EVA1A: variants seen among roughly 807,000 people sequenced by gnomAD.
The protein encoded by EVA1A is eva-1 homolog A, regulator of programmed cell death, also known as protein eva-1 homolog A.
A neutral mutation model predicts 9.8 loss-of-function variants in EVA1A; 7 were observed. That is an observed-to-expected ratio of 0.71 (90% CI 0.41 to 1.34). EVA1A has a LOEUF of 1.34. Ranked by LOEUF, EVA1A falls within the 40% of genes most tolerant of loss-of-function variation. The pLI is 0.01. For synonymous variants in EVA1A, 90 were observed against 85.6 expected (o/e 1.05, Z -0.28); for missense variants, 206 against 205.9 (o/e 1.00, Z 0.00).
chr2:75,552,042 A>G (rs1676542603), intron 1 of EVA1A, among the ~76,000 whole-genome samples: 1 of 152,160 alleles, frequency 6.6e-6, no homozygotes, highest in South Asian at 2.1e-4. Flanking sequence ...TTAGCTGGAC[A>G]TAGTGGCATA....
At chr2:75,563,964 A>G (rs1378809614), upstream of EVA1A, among the ~76,000 whole-genome samples, 1 of 152,222 alleles carries the variant, frequency 6.6e-6, no homozygotes, top group Admixed American at 6.5e-5. Context: ...GAGAGGGCCC[A>G]TTGCTTCATT....
upstream of EVA1A, chr2:75,560,999 G>C (rs1162527588): frequency 5.3e-5 from 8 of 151,738 alleles, no homozygotes; most frequent in African/African-American, 1.9e-4. Context: ...GCTTGGCTCC[G>C]GACCTGCCCT....
chr2:75,562,441 A>G (rs902712711), upstream of EVA1A, among the ~76,000 whole-genome samples: 2 of 152,220 alleles, frequency 1.3e-5, no homozygotes, highest in Non-Finnish European at 2.9e-5. Flanking sequence ...CTGCTCTTCA[A>G]AAGGAAAACA....
At chr2:75,517,702 T>G (rs1675063825) in intron 3 of EVA1A, 1 of 678,436 alleles carries the variant, frequency 1.5e-6, no homozygotes, top group African/African-American at 1.8e-5. Context: ...CTGTGTGAGG[T>G]TAACTGCATA....
intron 3 of EVA1A, among the ~76,000 whole-genome samples, chr2:75,515,598 G>A (rs1395118660): frequency 6.6e-6 from 1 of 152,106 alleles, no homozygotes; most frequent in Non-Finnish European, 1.5e-5. Context: ...GAGACCATCA[G>A]GCAAAACAAA....
chr2:75,502,929 T>G (rs1034334566), intron 3 of EVA1A, among the ~76,000 whole-genome samples: 10 of 152,204 alleles, frequency 6.6e-5, no homozygotes, highest in African/African-American at 2.2e-4. Context: ...AGCTTTCATA[T>G]ACTGCCCTCA....
At chr2:75,549,010 T>TATATATATA (rs1558691261) in intron 1 of EVA1A, among the ~76,000 whole-genome samples, 3 of 56,906 alleles carry the variant, frequency 5.3e-5, no homozygotes, top group East Asian at 5.7e-4. Flanking sequence ...ATATATATAT[T>TATATATATA]TTTTTTTTTT....
At chr2:75,537,330 G>A (rs6547010) in intron 1 of EVA1A, among the ~76,000 whole-genome samples, 94,681 of 152,036 alleles carry the variant, frequency 0.62, 31,054 homozygotes, top group African/African-American at 0.83. Context: ...GATAAAGAGC[G>A]TCTGCAAAAG....
At chr2:75,530,970 T>A (rs1675625226) in intron 1 of EVA1A, among the ~76,000 whole-genome samples, 1 of 152,170 alleles carries the variant, frequency 6.6e-6, no homozygotes, top group Non-Finnish European at 1.5e-5. Flanking sequence ...TGGTCACTGT[T>A]TGATGATGAT....
chr2:75,568,316 AATT>A (rs1177954361), intron 1 of EVA1A, among the ~76,000 whole-genome samples: 12 of 150,952 alleles, frequency 7.9e-5, no homozygotes, highest in East Asian at 3.9e-4. Flanking sequence ...ACCAATCAAT[AATT>A]ATTATTAAAT....
At chr2:75,565,973 T>G (rs949850216) in intron 1 of EVA1A, among the ~76,000 whole-genome samples, 8 of 152,312 alleles carry the variant, frequency 5.3e-5, no homozygotes, top group African/African-American at 1.9e-4. Context: ...ACCTTTCTCT[T>G]TTTCTCTCTC....
chr2:75,568,880 C>A (rs1203275216), intron 1 of EVA1A, among the ~76,000 whole-genome samples: 1 of 152,200 alleles, frequency 6.6e-6, no homozygotes, highest in Admixed American at 6.5e-5. Flanking sequence ...CTTAAATATG[C>A]AAAGATATGG....
chr2:75,503,332 CT>C (rs1297830817), intron 3 of EVA1A, among the ~76,000 whole-genome samples: 1 of 152,224 alleles, frequency 6.6e-6, no homozygotes, highest in African/African-American at 2.4e-5. Flanking sequence ...ATCCAGACAG[CT>C]GTTAATTACC....
rs903329603 is a variant in EVA1A at position 75,496,671 on chromosome 2, GA to G, written c.86-3063del. On this transcript the variant is annotated intron_variant, in intron 3 of 3. Transcript: ENST00000393913. ...ACCAACATCATTTTTCACAGAATTA[GA>G]AAAAAAAATGATTCTAAAACTCATA... is the stretch of plus-strand genomic sequence containing the variant. 1.1e-4 allele frequency among the ~76,000 whole-genome samples: 17 copies of G among 150,128 alleles called. No homozygotes were observed. The South Asian group carries it at 2.1e-3, about 19-fold the overall frequency.
chr2:75,558,322 C>A (rs767252942), intron 1 of EVA1A, among the ~76,000 whole-genome samples: 1 of 152,106 alleles, frequency 6.6e-6, no homozygotes, highest in Non-Finnish European at 1.5e-5. Flanking sequence ...TTCAACTTGA[C>A]CAAGGTCAAG....
chr2:75,522,288 G>A (rs747717139), intron 2 of EVA1A, 77 bp downstream of exon 2: 1 of 152,130 alleles, frequency 6.6e-6, no homozygotes, highest in African/African-American at 2.4e-5. Context: ...TATTGCAATT[G>A]GAACTGAGTG....
chr2:75,495,273 G>A (rs1429478933), intron 3 of EVA1A, among the ~76,000 whole-genome samples: 1 of 152,192 alleles, frequency 6.6e-6, no homozygotes, highest in African/African-American at 2.4e-5. Context: ...AAAACAATGG[G>A]CTGTTAATGA....
chr2:75,529,322 C>G (rs1675564112), intron 1 of EVA1A, among the ~76,000 whole-genome samples: 1 of 152,194 alleles, frequency 6.6e-6, no homozygotes, highest in African/African-American at 2.4e-5. Context: ...ACCCCACTGA[C>G]AGCACTAGAC....
At chr2:75,512,943 C>T (rs1341497113) in intron 3 of EVA1A, among the ~76,000 whole-genome samples, 4 of 152,128 alleles carry the variant, frequency 2.6e-5, no homozygotes, top group African/African-American at 4.8e-5. Flanking sequence ...CTAAAATTCT[C>T]ATTTTTCCAG....
Sources: gnomAD v4.1 joint callset for allele counts (sites outside exome capture counted in the v4.1 genomes callset) on GRCh38, gnomAD v4.1.1 for gene constraint, MANE v1.5 for transcripts, NCBI Gene and HGNC (gene_info 2026-07-23, HGNC 2026-07-21) for gene names.